KCNH7: variants seen among roughly 807,000 people sequenced by gnomAD.
The protein encoded by KCNH7 is voltage-gated inwardly rectifying potassium channel KCNH7.
A neutral mutation model predicts 120.8 loss-of-function variants in KCNH7; 49 were observed. That is an observed-to-expected ratio of 0.41 (90% CI 0.32 to 0.51). The LOEUF (loss-of-function observed/expected upper bound fraction) is 0.51. KCNH7 is among the 20% of genes least tolerant of loss of function. The pLI is 0.38. For missense variants in KCNH7, 1,097 were observed against 1,446.6 expected, an observed-to-expected ratio of 0.76 and a Z score of 3.92; for synonymous variants, 547 against 516.1, an observed-to-expected ratio of 1.06 and a Z score of -0.81.
chr2:162,522,357 T>G (rs920163632), intron 3 of KCNH7, among the ~76,000 whole-genome samples: 1 of 151,924 alleles, frequency 6.6e-6, no homozygotes, highest in Non-Finnish European at 1.5e-5. Context: ...AATTACCACA[T>G]AGGCATTTAG....
intron 2 of KCNH7, among the ~76,000 whole-genome samples, chr2:162,541,058 G>A (rs926462690): frequency 6.6e-6 from 1 of 152,088 alleles, no homozygotes; most frequent in African/African-American, 2.4e-5. Flanking sequence ...TATTAAAATG[G>A]GGAAGACTGT....
intron 8 of KCNH7, among the ~76,000 whole-genome samples, chr2:162,428,671 T>C (rs904795612): frequency 6.6e-6 from 1 of 151,934 alleles, no homozygotes; most frequent in Non-Finnish European, 1.5e-5. Flanking sequence ...TTTGTCAATT[T>C]CTCCTTTCAG....
At chr2:162,481,661 T>A (rs530861864) in intron 6 of KCNH7, among the ~76,000 whole-genome samples, 1 of 152,316 alleles carries the variant, frequency 6.6e-6, no homozygotes, top group East Asian at 1.9e-4. Flanking sequence ...TTGGCTTGCC[T>A]GGAACTTAGT....
intron 2 of KCNH7, among the ~76,000 whole-genome samples, chr2:162,751,222 A>C (rs912778196): frequency 6.6e-6 from 1 of 152,188 alleles, no homozygotes; most frequent in Non-Finnish European, 1.5e-5. Flanking sequence ...ATTAAAATAA[A>C]AGTAGAAATT....
chr2:162,781,162 T>C (rs1219406016), intron 2 of KCNH7, among the ~76,000 whole-genome samples: 1 of 152,102 alleles, frequency 6.6e-6, no homozygotes, highest in Non-Finnish European at 1.5e-5. Context: ...TTATAAATAA[T>C]GATATTGATA....
At chr2:162,594,788 A>G (rs1473511565) in intron 2 of KCNH7, among the ~76,000 whole-genome samples, 7 of 152,044 alleles carry the variant, frequency 4.6e-5, no homozygotes, top group Non-Finnish European at 1.0e-4. Context: ...GGATATATAT[A>G]GGTTATATGC....
At chr2:162,541,800 C>T (rs1692311506) in intron 2 of KCNH7, among the ~76,000 whole-genome samples, 1 of 152,076 alleles carries the variant, frequency 6.6e-6, no homozygotes, top group Non-Finnish European at 1.5e-5. Flanking sequence ...CACACATTTA[C>T]CTGTGTAACA....
chr2:162,575,572 C>T (rs1346859096), intron 2 of KCNH7, among the ~76,000 whole-genome samples: 1 of 152,036 alleles, frequency 6.6e-6, no homozygotes, highest in African/African-American at 2.4e-5. Flanking sequence ...CTTGTTTACC[C>T]CCATGTTTCC....
At chr2:162,757,355 C>A (rs1688821770) in intron 2 of KCNH7, among the ~76,000 whole-genome samples, 1 of 152,144 alleles carries the variant, frequency 6.6e-6, no homozygotes, top group Admixed American at 6.6e-5. Flanking sequence ...GCTGCTTTTA[C>A]TGACTACCCT....
intron 13 of KCNH7, among the ~76,000 whole-genome samples, chr2:162,381,391 T>C (rs1285796294): frequency 6.6e-6 from 1 of 152,104 alleles, no homozygotes; most frequent in Non-Finnish European, 1.5e-5. Flanking sequence ...CAAAGTTCCT[T>C]CCTTTCCTGC....
At chr2:162,708,622 G>A (rs755713382) in intron 2 of KCNH7, among the ~76,000 whole-genome samples, 1 of 152,018 alleles carries the variant, frequency 6.6e-6, no homozygotes, top group Non-Finnish European at 1.5e-5. Flanking sequence ...TGAAACGAGG[G>A]CTTCTGGGAG....
chr2:162,531,211 G>A (rs1339303882), intron 3 of KCNH7, among the ~76,000 whole-genome samples: 1 of 151,928 alleles, frequency 6.6e-6, no homozygotes, highest in Admixed American at 6.6e-5. Flanking sequence ...ATATAAAGTT[G>A]CATAAATTGT....
At chr2:162,553,814 A>G (rs1335424633) in intron 2 of KCNH7, among the ~76,000 whole-genome samples, 1 of 152,224 alleles carries the variant, frequency 6.6e-6, no homozygotes, top group Non-Finnish European at 1.5e-5. Flanking sequence ...ATACATAAGT[A>G]ACAGACAAGG....
At chr2:162,496,367 G>A (rs1690497540) in intron 6 of KCNH7, among the ~76,000 whole-genome samples, 2 of 152,108 alleles carry the variant, frequency 1.3e-5, no homozygotes, top group Non-Finnish European at 2.9e-5. Context: ...GTTCTCTTAA[G>A]CATGCCTGCA....
chr2:162,830,440 G>A (rs185797753), intron 2 of KCNH7, among the ~76,000 whole-genome samples: 4 of 152,110 alleles, frequency 2.6e-5, no homozygotes, highest in Admixed American at 2.6e-4. Flanking sequence ...GTTCTTTATT[G>A]CATGCAACAC....
intron 1 of KCNH7, among the ~76,000 whole-genome samples, 198 bp downstream of exon 1, chr2:162,838,245 G>T (rs938559264): frequency 6.6e-6 from 1 of 152,178 alleles, no homozygotes; most frequent in African/African-American, 2.4e-5. Context: ...CTATAATGGA[G>T]ACCGTAATCT....
At chr2:162,482,234 G>C (rs1460175380) in intron 6 of KCNH7, among the ~76,000 whole-genome samples, 2 of 152,194 alleles carry the variant, frequency 1.3e-5, no homozygotes, top group Non-Finnish European at 2.9e-5. Flanking sequence ...TAGAGAAGAG[G>C]ATGGCAATAG....
chr2:162,644,965 G>A (rs1474679077), intron 2 of KCNH7, among the ~76,000 whole-genome samples: 1 of 152,088 alleles, frequency 6.6e-6, no homozygotes, highest in Non-Finnish European at 1.5e-5. Context: ...ATGTGTGTGT[G>A]TATATATAAA....
chr2:162,627,696 C>G (rs1273298977), intron 2 of KCNH7, among the ~76,000 whole-genome samples: 1 of 152,130 alleles, frequency 6.6e-6, no homozygotes, highest in Non-Finnish European at 1.5e-5. Flanking sequence ...CAGTGGTTGG[C>G]TTGGACCCTG....
Sources: gnomAD v4.1 joint callset for allele counts (sites outside exome capture counted in the v4.1 genomes callset) on GRCh38, gnomAD v4.1.1 for gene constraint, MANE v1.5 for transcripts, NCBI Gene and HGNC (gene_info 2026-07-23, HGNC 2026-07-21) for gene names.